FRMPD4: variants seen among roughly 807,000 people sequenced by gnomAD.
FRMPD4 encodes the protein FERM and PDZ domain containing 4, also known as FERM and PDZ domain-containing protein 4.
A neutral mutation model predicts 94.1 loss-of-function variants in FRMPD4; 22 were observed. The ratio of observed to expected loss-of-function variants is 0.23; its 90% CI spans 0.17 to 0.33. The LOEUF (loss-of-function observed/expected upper bound fraction) is 0.33. Ranked by LOEUF, FRMPD4 falls within the 10% of genes least tolerant of loss-of-function variation. The pLI is 1.00. For synonymous variants in FRMPD4, 631 were observed against 548.6 expected, an observed-to-expected ratio of 1.15 and a Z score of -2.10; for missense variants, 1,111 against 1,339.9, an observed-to-expected ratio of 0.83 and a Z score of 2.67.
intron 1 of FRMPD4, among the ~76,000 whole-genome samples, chrX:11,822,724 CA>C (rs775261708): frequency 8.9e-6 from 1 of 111,986 alleles, no homozygotes. Context: ...AGGTGAGTGT[CA>C]GGCATGCCCC....
At chrX:11,847,937 A>C (rs1379958369) in intron 1 of FRMPD4, among the ~76,000 whole-genome samples, 2 of 102,636 alleles carry the variant, frequency 1.9e-5, no homozygotes, top group Non-Finnish European at 2.0e-5. Flanking sequence ...ATGCTAAATG[A>C]CGAGTTAATG....
intron 1 of FRMPD4, among the ~76,000 whole-genome samples, chrX:12,308,640 G>A (rs974357658): frequency 9.0e-6 from 1 of 111,382 alleles, no homozygotes; most frequent in Non-Finnish European, 1.9e-5. Flanking sequence ...GACACTGTAG[G>A]GGGGTGGATG....
intron 1 of FRMPD4, among the ~76,000 whole-genome samples, chrX:12,239,254 A>G (rs1396529444): frequency 8.9e-6 from 1 of 112,290 alleles, no homozygotes; most frequent in East Asian, 2.8e-4. Flanking sequence ...GGGTTGGGGG[A>G]AAACAAGAGA....
At chrX:12,046,318 C>G (rs1002970488) in intron 3 of FRMPD4, among the ~76,000 whole-genome samples, 7 of 111,245 alleles carry the variant, frequency 6.3e-5, no homozygotes, top group African/African-American at 1.6e-4. Context: ...GTTTTTTTCT[C>G]TGCTCTGATA....
At chrX:12,006,336 G>A (rs1184291152) in intron 3 of FRMPD4, among the ~76,000 whole-genome samples, 1 of 112,265 alleles carries the variant, frequency 8.9e-6, no homozygotes, top group Admixed American at 9.4e-5. Flanking sequence ...AAGAACAGGA[G>A]GATTTGATAG....
At chrX:12,028,712 T>C (rs2054675174) in intron 3 of FRMPD4, among the ~76,000 whole-genome samples, 1 of 111,793 alleles carries the variant, frequency 8.9e-6, no homozygotes, top group Non-Finnish European at 1.9e-5. Flanking sequence ...TTCCACAATG[T>C]CATATAGTTG....
intron 1 of FRMPD4, among the ~76,000 whole-genome samples, chrX:12,159,388 G>C (rs1263651619): frequency 2.7e-5 from 3 of 111,975 alleles, no homozygotes; most frequent in Non-Finnish European, 5.6e-5. Flanking sequence ...CTGGTCTGGT[G>C]ACTAGCTCAT....
chrX:12,674,854 C>G lies in FRMPD4; in HGVS notation c.423-9C>G, dbSNP rs781724060. 1 of 1,117,875 alleles carries G rather than the reference C, an allele frequency of 8.9e-7. No homozygotes were observed. Among genetic ancestry groups the G allele is most frequent in the Non-Finnish European group, 1.2e-6 (1 of 809,888 alleles). The allele number at this position is 1,117,875 out of a possible 1,213,427, so 92.1% of individuals were successfully genotyped here. On this transcript the variant is annotated splice_polypyrimidine_tract_variant and intron_variant, in intron 4 of 16. Coordinates refer to ENST00000675598, the MANE Select transcript of FRMPD4 (RefSeq NM_001368397.1). ...ATATCATAAATATGTTTGTTTTTCTCTCTTACAGAAGCTGCAAAGAATCGA... is the reference window on the plus strand; with the variant it reads ...ATATCATAAATATGTTTGTTTTTCTGTCTTACAGAAGCTGCAAAGAATCGA...
intron 1 of FRMPD4, among the ~76,000 whole-genome samples, chrX:12,286,980 T>C (rs1444486692): frequency 8.9e-6 from 1 of 112,190 alleles, no homozygotes; most frequent in Non-Finnish European, 1.9e-5. Context: ...AGTCAAGAAC[T>C]CTTGGGAGAA....
intron 1 of FRMPD4, among the ~76,000 whole-genome samples, chrX:12,428,397 C>T (rs889619557): frequency 1.2e-4 from 13 of 111,646 alleles, no homozygotes; most frequent in African/African-American, 4.2e-4. Context: ...TACCTCTCAA[C>T]ACAATTTTCA....
chrX:12,329,611 G>A (rs2055339867), intron 1 of FRMPD4, among the ~76,000 whole-genome samples: 1 of 110,971 alleles, frequency 9.0e-6, no homozygotes, highest in South Asian at 3.8e-4. Flanking sequence ...AACATCAGGA[G>A]TCAGAGAGAC....
chrX:12,103,051 C>T (rs1242041254), intron 3 of FRMPD4, among the ~76,000 whole-genome samples: 2 of 111,327 alleles, frequency 1.8e-5, no homozygotes, highest in Non-Finnish European at 3.8e-5. Context: ...AAGTATTTTT[C>T]CCCAGTTATT....
chrX:12,182,311 T>C (rs1332655703), intron 1 of FRMPD4, among the ~76,000 whole-genome samples: 1 of 111,656 alleles, frequency 9.0e-6, no homozygotes, highest in Non-Finnish European at 1.9e-5. Flanking sequence ...CTGAAGAGTT[T>C]GCTAAATTTT....
At chrX:12,340,690 G>A (rs1029347728) in intron 1 of FRMPD4, among the ~76,000 whole-genome samples, 4 of 112,087 alleles carry the variant, frequency 3.6e-5, no homozygotes, top group Non-Finnish European at 5.6e-5. Context: ...TATGTAGTCT[G>A]TGGACCTTCA....
chrX:12,684,668 G>T (rs1031800615), intron 6 of FRMPD4, among the ~76,000 whole-genome samples: 1 of 112,337 alleles, frequency 8.9e-6, no homozygotes, highest in African/African-American at 3.2e-5. Context: ...CAGCTGAAGG[G>T]TGGAAGGTAC....
intron 1 of FRMPD4, among the ~76,000 whole-genome samples, chrX:12,154,220 A>G: frequency 8.8e-6 from 1 of 113,013 alleles, no homozygotes; most frequent in East Asian, 2.8e-4. Context: ...AAATGTTCCC[A>G]CTGTAAAGAC....
chrX:11,860,562 T>A (rs1324103034), intron 1 of FRMPD4, among the ~76,000 whole-genome samples: 2 of 112,324 alleles, frequency 1.8e-5, no homozygotes, highest in Non-Finnish European at 3.8e-5. Flanking sequence ...CCTGACTAAC[T>A]ATTAGTATTG....
At chrX:12,313,541 G>C (rs1218092647) in intron 1 of FRMPD4, among the ~76,000 whole-genome samples, 6 of 112,717 alleles carry the variant, frequency 5.3e-5, no homozygotes, top group Non-Finnish European at 1.1e-4. Context: ...TGAATCAACA[G>C]ATAGGAGGAA....
chrX:12,464,932 A>G lies in FRMPD4; in HGVS notation c.42-33748A>G, dbSNP rs1375403886. ...GACAAAATGGAATTAAGGAAATTCTATTTTTCCATTCCAATTTAGGAAATT... is the reference window on the plus strand; with the variant it reads ...GACAAAATGGAATTAAGGAAATTCTGTTTTTCCATTCCAATTTAGGAAATT... On this transcript the variant is annotated intron_variant, in intron 1 of 16. Coordinates refer to ENST00000675598, the MANE Select transcript of FRMPD4 (RefSeq NM_001368397.1). Among the ~76,000 whole-genome samples, 3 of 111,879 alleles carry G rather than the reference A, an allele frequency of 2.7e-5. No individual in the cohort carries two copies. In the East Asian group the frequency reaches 8.4e-4, roughly 31 times the overall value.
Sources: gnomAD v4.1 joint callset for allele counts (sites outside exome capture counted in the v4.1 genomes callset) on GRCh38, gnomAD v4.1.1 for gene constraint, MANE v1.5 for transcripts, NCBI Gene and HGNC (gene_info 2026-07-23, HGNC 2026-07-21) for gene names.